The following TRAT1 variants were observed in gnomAD, a reference collection of about 807,000 sequenced individuals.
The protein encoded by TRAT1 is T-cell receptor-associated transmembrane adapter 1.
TRAT1 carries 20 observed loss-of-function variants against 20.0 expected under a neutral mutation model. The ratio of observed to expected loss-of-function variants is 1.00; its 90% CI spans 0.70 to 1.45. The LOEUF (loss-of-function observed/expected upper bound fraction) is 1.45, where lower values mean the gene tolerates loss of function less well. TRAT1 is among the 40% of genes most tolerant of loss of function. The pLI, the probability that TRAT1 is intolerant of heterozygous loss-of-function variation, is 0.00. For synonymous variants in TRAT1, 77 were observed against 74.2 expected (o/e 1.04, Z -0.20); for missense variants, 237 against 224.1 (o/e 1.06, Z -0.37).
chr3:108,838,810 T>C (rs1405945744), intron 2 of TRAT1, 124 bp from the exon 3 acceptor site: 3 of 773,868 alleles, frequency 3.9e-6, no homozygotes, highest in African/African-American at 1.7e-5. Flanking sequence ...AGAGGTGCCC[T>C]GAGAGCCTTG....
intron 2 of TRAT1, 104 bp downstream of exon 2, chr3:108,830,884 A>G: frequency 1.4e-6 from 1 of 734,482 alleles, no homozygotes; most frequent in South Asian, 1.7e-5. Flanking sequence ...GTCATTCAAC[A>G]GGATATTTTT....
intron 3 of TRAT1, among the ~76,000 whole-genome samples, chr3:108,842,426 C>A (rs1945903537): frequency 6.6e-6 from 1 of 152,168 alleles, no homozygotes; most frequent in African/African-American, 2.4e-5. Flanking sequence ...CAAGAGAACT[C>A]TTGGGTCCCC....
intron 2 of TRAT1, among the ~76,000 whole-genome samples, chr3:108,832,330 C>A (rs553835578): frequency 5.5e-4 from 83 of 152,098 alleles, no homozygotes; most frequent in Non-Finnish European, 9.9e-4. Context: ...AATTCTATGG[C>A]TAAGGTGAAA....
intron 2 of TRAT1, among the ~76,000 whole-genome samples, chr3:108,831,546 T>C (rs1326072972): frequency 6.6e-6 from 1 of 151,610 alleles, no homozygotes; most frequent in Non-Finnish European, 1.5e-5. Flanking sequence ...ATCTTTTTTT[T>C]TTTTTTTTTT....
chr3:108,853,857 AAG>A lies in TRAT1; in HGVS notation c.547_548del (p.Glu183ThrfsTer8). 1 of 1,614,064 alleles carries A rather than the reference AAG, an allele frequency of 6.2e-7. No homozygotes were observed. The highest frequency in any genetic ancestry group is 8.5e-7 in the Non-Finnish European group (1 of 1,179,932). On this transcript the variant is annotated frameshift_variant, in exon 6 of 6. Coordinates refer to ENST00000295756, the MANE Select transcript of TRAT1 (RefSeq NM_016388.4). LOFTEE classifies it high-confidence loss of function. Reference protein sequence around the residue: ...PIRLFGLIRAKREPIN With the variant: ...PIRLFGLIRAXREPIN ...CAGACTGTTTGGATTGATCCGTGCT[AAG>A]AGAGAACCTATAAACTAGCTGGACC...
At chr3:108,824,224 T>C (rs573286566) in intron 1 of TRAT1, among the ~76,000 whole-genome samples, 52 of 152,340 alleles carry the variant, frequency 3.4e-4, no homozygotes, top group African/African-American at 1.1e-3. Flanking sequence ...TGAACAACTC[T>C]ATAGCTTTTT....
At chr3:108,833,431 C>CAA (rs111297620) in intron 2 of TRAT1, among the ~76,000 whole-genome samples, 1 of 150,274 alleles carries the variant, frequency 6.7e-6, no homozygotes, top group Non-Finnish European at 1.5e-5. Flanking sequence ...CAAAACAAAA[C>CAA]AAAAAAAAAC....
At chr3:108,831,008 G>T (rs1489771305) in intron 2 of TRAT1, among the ~76,000 whole-genome samples, 1 of 152,300 alleles carries the variant, frequency 6.6e-6, no homozygotes, top group East Asian at 1.9e-4. Flanking sequence ...CTTCTTTAGG[G>T]TGTAGAGTGG....
intron 4 of TRAT1, among the ~76,000 whole-genome samples, chr3:108,848,376 A>G (rs1354402950): frequency 1.3e-5 from 2 of 152,218 alleles, no homozygotes; most frequent in Non-Finnish European, 2.9e-5. Context: ...TATAGTAAAT[A>G]TATCTTTCTC....
intron 3 of TRAT1, among the ~76,000 whole-genome samples, chr3:108,844,507 A>G (rs114656626): frequency 0.024 from 3,662 of 151,644 alleles, 139 homozygotes; most frequent in African/African-American, 0.081. Context: ...AAGACCTAAT[A>G]AATAATAAAT....
intron 2 of TRAT1, among the ~76,000 whole-genome samples, chr3:108,834,475 T>C (rs1945821462): frequency 6.6e-6 from 1 of 152,226 alleles, no homozygotes; most frequent in Middle Eastern, 3.2e-3. Flanking sequence ...AGATTTCAAA[T>C]ATATTTCAGA....
At position 108,833,495 on chromosome 3, in the gene TRAT1, A is replaced by T. The variant is rs576802060; in HGVS notation, c.118+2715A>T. Among the ~76,000 whole-genome samples the T allele has an allele frequency of 2.0e-5, 3 of 152,222 alleles. No homozygotes were observed. In the South Asian group the frequency reaches 6.2e-4, roughly 32 times the overall value. ...GATTTTTTCCTTTTCAATTGTGCAA[A>T]CCCTTACTGCCCCAAGCATGCCATA... On this transcript the variant is annotated intron_variant, in intron 2 of 5. Coordinates refer to ENST00000295756, the MANE Select transcript of TRAT1 (RefSeq NM_016388.4).
chr3:108,838,356 TGATAG>T lies in TRAT1; in HGVS notation c.119-577_119-573del, dbSNP rs1945858520. Among the ~76,000 whole-genome samples, 198 of 77,030 alleles carry T rather than the reference TGATAG, an allele frequency of 2.6e-3. 2 individuals carry two copies. Among genetic ancestry groups the T allele is most frequent in the African/African-American group, 0.016 (189 of 11,480 alleles). The allele number at this position is 77,030 out of a possible 152,430, so 50.5% of individuals were successfully genotyped here. A position where few individuals can be genotyped will look rare whatever the true frequency, so the allele number is the denominator to read the frequency against. On this transcript the variant is annotated intron_variant, in intron 2 of 5. Transcript: ENST00000295756. ...TAGATAGATGATAGATATAGATAGATGATAGATAGATAGATAGATAGATAGATAGA... is the reference window on the plus strand; with the variant it reads ...TAGATAGATGATAGATATAGATAGATATAGATAGATAGATAGATAGATAGA...
chr3:108,835,926 T>C (rs1488470575), intron 2 of TRAT1, among the ~76,000 whole-genome samples: 1 of 69,026 alleles, frequency 1.4e-5, no homozygotes, highest in Admixed American at 1.8e-4. Flanking sequence ...TATTTATTTA[T>C]TTATTTATTT....
intron 3 of TRAT1, among the ~76,000 whole-genome samples, chr3:108,839,843 C>T (rs1167516822): frequency 6.6e-6 from 1 of 151,714 alleles, no homozygotes; most frequent in Non-Finnish European, 1.5e-5. Flanking sequence ...TAGTAGTATA[C>T]ATTTTTTTAA....
Position 108,847,057 on chromosome 3 carries a change from C to T in TRAT1, c.153-11C>T. The T allele has an allele frequency of 6.9e-7, 1 of 1,444,844 alleles. No individual in the cohort carries two copies. Among genetic ancestry groups the T allele is most frequent in the Non-Finnish European group, 9.6e-7 (1 of 1,040,008 alleles). 89.5% of individuals were successfully genotyped at this position (1,444,844 alleles called of 1,614,324 possible). On this transcript the variant is annotated splice_polypyrimidine_tract_variant and intron_variant, in intron 3 of 5. Coordinates refer to ENST00000295756, the MANE Select transcript of TRAT1 (RefSeq NM_016388.4). ...GAATCTAATAAGGTAAATTATTTTT[C>T]CTTGTTATAGGGTTGATGAGTATTA...
At chr3:108,827,962 G>T (rs1483878429) in intron 1 of TRAT1, among the ~76,000 whole-genome samples, 1 of 152,098 alleles carries the variant, frequency 6.6e-6, no homozygotes, top group Admixed American at 6.6e-5. Context: ...GAGTCAAATT[G>T]TCTTCTTATA....
intron 3 of TRAT1, among the ~76,000 whole-genome samples, chr3:108,844,368 A>G (rs1435845398): frequency 6.8e-6 from 1 of 147,148 alleles, no homozygotes; most frequent in Non-Finnish European, 1.5e-5. Context: ...CCCAGGTTGG[A>G]GTGCAGTGGT....
Position 108,854,105 on chromosome 3 carries a change from TA to T in TRAT1, c.*234del. 1 of 439,790 alleles carries T rather than the reference TA, an allele frequency of 2.3e-6. No homozygotes were observed. Among genetic ancestry groups the T allele is most frequent in the Admixed American group, 3.7e-5 (1 of 27,064 alleles). 27.2% of individuals were successfully genotyped at this position (439,790 alleles called of 1,614,324 possible). A position where few individuals can be genotyped will look rare whatever the true frequency, so the allele number is the denominator to read the frequency against. ...TAAAAAATGCTTTACTACTAAAATG[TA>T]AAAAATTAATGTGCTCACCTCGGCA... On this transcript the variant is annotated 3_prime_UTR_variant, in exon 6 of 6. Coordinates refer to ENST00000295756, the MANE Select transcript of TRAT1 (RefSeq NM_016388.4).
Sources: gnomAD v4.1 joint callset for allele counts (sites outside exome capture counted in the v4.1 genomes callset) on GRCh38, gnomAD v4.1.1 for gene constraint, MANE v1.5 for transcripts, NCBI Gene and HGNC (gene_info 2026-07-23, HGNC 2026-07-21) for gene names.